The following JAZF1 variants were observed in gnomAD, a reference collection of about 807,000 sequenced individuals.
The protein encoded by JAZF1 is juxtaposed with another zinc finger protein 1.
In JAZF1, 8 loss-of-function variants were observed where a neutral mutation model predicts 26.4. The observed-to-expected ratio is 0.30, with a 90% confidence interval of 0.18 to 0.55. JAZF1 has a LOEUF of 0.55. Ranked by LOEUF, JAZF1 falls within the 20% of genes least tolerant of loss-of-function variation. The pLI is 0.94. For missense variants in JAZF1, 199 were observed against 322.0 expected (o/e 0.62, Z 2.92); for synonymous variants, 126 against 122.3 (o/e 1.03, Z -0.20).
At chr7:28,034,459 A>G (rs2128375589) in intron 1 of JAZF1, among the ~76,000 whole-genome samples, 1 of 92,026 alleles carries the variant, frequency 1.1e-5, no homozygotes, top group South Asian at 4.1e-4. Context: ...AAAATATGAA[A>G]GAAAACTAAT....
intron 1 of JAZF1, among the ~76,000 whole-genome samples, chr7:28,089,517 C>T (rs1239826615): frequency 6.6e-6 from 1 of 152,158 alleles, no homozygotes; most frequent in Non-Finnish European, 1.5e-5. Context: ...GGCTTTGGAA[C>T]TGGTTAACGC....
At chr7:28,068,552 C>G (rs915887034) in intron 1 of JAZF1, among the ~76,000 whole-genome samples, 2 of 152,162 alleles carry the variant, frequency 1.3e-5, no homozygotes, top group African/African-American at 4.8e-5. Context: ...AGATTTGACT[C>G]TACTGACAAA....
At chr7:28,038,822 A>G (rs925601312) in intron 1 of JAZF1, among the ~76,000 whole-genome samples, 2 of 152,236 alleles carry the variant, frequency 1.3e-5, no homozygotes, top group African/African-American at 4.8e-5. Flanking sequence ...TTTGCTGAAC[A>G]TATCGGTAGT....
At chr7:28,163,630 T>C (rs1783324273) in intron 1 of JAZF1, among the ~76,000 whole-genome samples, 1 of 152,174 alleles carries the variant, frequency 6.6e-6, no homozygotes, top group Non-Finnish European at 1.5e-5. Context: ...CCCCTATTCT[T>C]TGTGGCCAAG....
In JAZF1 at chr7:28,044,835, TGA is replaced by T. The variant is rs147820673; in HGVS notation, c.116-52856_116-52855del. 6.6e-3 allele frequency among the ~76,000 whole-genome samples: 1,007 copies of T among 152,256 alleles called. 27 individuals are homozygous for T. In the East Asian group the frequency reaches 0.072, roughly 11 times the overall value. On this transcript the variant is annotated intron_variant, in intron 1 of 4. Coordinates refer to ENST00000283928, the MANE Select transcript of JAZF1 (RefSeq NM_175061.4). The stretch of plus-strand genomic sequence containing the variant: ...GCTGGGATGCGGGGAGGATACAGAT[TGA>T]GAGACATTGTAATCACTCTGGAGCA...
At chr7:27,888,508 A>AATTTT (rs1783910537) in intron 3 of JAZF1, among the ~76,000 whole-genome samples, 1 of 152,174 alleles carries the variant, frequency 6.6e-6, no homozygotes, top group Non-Finnish European at 1.5e-5. Flanking sequence ...ATTCAGATAG[A>AATTTT]GCTTCTAAAT....
At chr7:28,140,730 C>G (rs1782949042) in intron 1 of JAZF1, among the ~76,000 whole-genome samples, 1 of 152,216 alleles carries the variant, frequency 6.6e-6, no homozygotes, top group Non-Finnish European at 1.5e-5. Context: ...AACCTCACAA[C>G]ATTTATGCAG....
At chr7:28,089,782 C>T (rs1010478773) in intron 1 of JAZF1, among the ~76,000 whole-genome samples, 1 of 152,174 alleles carries the variant, frequency 6.6e-6, no homozygotes, top group Admixed American at 6.5e-5. Context: ...TGGCAAAGAA[C>T]TTGATTGAAC....
At chr7:27,863,505 C>G (rs1325539904) in intron 3 of JAZF1, among the ~76,000 whole-genome samples, 1 of 152,214 alleles carries the variant, frequency 6.6e-6, no homozygotes, top group Non-Finnish European at 1.5e-5. Flanking sequence ...CGTCCTTGCC[C>G]AGGCACAACC....
At chr7:28,148,907 G>C (rs1022960739) in intron 1 of JAZF1, among the ~76,000 whole-genome samples, 4 of 152,200 alleles carry the variant, frequency 2.6e-5, no homozygotes, top group African/African-American at 9.6e-5. Context: ...TGCGGTTTAC[G>C]CAGTCAGAAA....
At chr7:28,055,495 C>G (rs920495806) in intron 1 of JAZF1, among the ~76,000 whole-genome samples, 6 of 152,212 alleles carry the variant, frequency 3.9e-5, no homozygotes, top group Non-Finnish European at 7.3e-5. Flanking sequence ...CCACCCCTCC[C>G]CAAATTTCCA....
chr7:27,883,566 C>T (rs1169638605), intron 3 of JAZF1, among the ~76,000 whole-genome samples: 7 of 152,188 alleles, frequency 4.6e-5, no homozygotes, highest in Admixed American at 2.0e-4. Context: ...AAGTGCCTGC[C>T]CGTCAGAGAA....
intron 3 of JAZF1, among the ~76,000 whole-genome samples, chr7:27,894,352 A>C (rs1457352514): frequency 1.3e-5 from 2 of 152,234 alleles, no homozygotes; most frequent in Non-Finnish European, 2.9e-5. Context: ...GTTTCTTGAG[A>C]CATGTAAGTC....
rs1783786890 is a variant in JAZF1, at chr7:27,882,296, C to G, written c.385+12924G>C. Among the ~76,000 whole-genome samples the G allele has an allele frequency of 2.6e-5, 4 of 151,250 alleles. No individual in the cohort carries two copies. The South Asian group carries it at 8.4e-4, about 32-fold the overall frequency. ...CTATGTGTTCCATACCAAGCAGAGC[C>G]TAATTGGCTTGTTTTTTTTTTTTAA... On this transcript the variant is annotated intron_variant, in intron 3 of 4. Transcript: ENST00000283928.
chr7:28,025,567 C>A (rs1583516184), intron 1 of JAZF1, among the ~76,000 whole-genome samples: 1 of 152,262 alleles, frequency 6.6e-6, no homozygotes, highest in South Asian at 2.1e-4. Context: ...AAGTAAAATA[C>A]GTCATTTAAA....
chr7:27,888,537 A>C lies in JAZF1; in HGVS notation c.385+6683T>G, dbSNP rs1489110134. Among the ~76,000 whole-genome samples, 3 of 152,318 alleles carry C rather than the reference A, an allele frequency of 2.0e-5. No individual in the cohort carries two copies. The East Asian group carries it at 5.8e-4, about 29-fold the overall frequency. On this transcript the variant is annotated intron_variant, in intron 3 of 4. Transcript: ENST00000283928. Reference sequence around the variant, plus strand: ...TCTAAATGCCAAGCAAAATTCTATCAGTCCTGTAAGTCTGTATTGCAGAGA... The same window carrying C: ...TCTAAATGCCAAGCAAAATTCTATCCGTCCTGTAAGTCTGTATTGCAGAGA...
intron 1 of JAZF1, among the ~76,000 whole-genome samples, chr7:28,006,846 C>T (rs1378061485): frequency 2.0e-5 from 3 of 152,170 alleles, no homozygotes; most frequent in African/African-American, 7.2e-5. Flanking sequence ...TGCCAGGTGG[C>T]CTTTCCTTTG....
intron 2 of JAZF1, among the ~76,000 whole-genome samples, chr7:27,985,237 TC>T (rs1306637051): frequency 6.6e-6 from 1 of 151,432 alleles, no homozygotes; most frequent in Non-Finnish European, 1.5e-5. Context: ...TAGAGAAGAA[TC>T]AAATAGATGC....
chr7:28,155,341 G>A (rs1206629269), intron 1 of JAZF1, among the ~76,000 whole-genome samples: 1 of 152,184 alleles, frequency 6.6e-6, no homozygotes, highest in East Asian at 1.9e-4. Flanking sequence ...TTCAGTTACT[G>A]TACACATCAG....
Sources: gnomAD v4.1 joint callset for allele counts (sites outside exome capture counted in the v4.1 genomes callset) on GRCh38, gnomAD v4.1.1 for gene constraint, MANE v1.5 for transcripts, NCBI Gene and HGNC (gene_info 2026-07-23, HGNC 2026-07-21) for gene names.